The following CHCHD3 variants were observed in gnomAD, a reference collection of about 807,000 sequenced individuals.
CHCHD3 encodes MICOS complex subunit MIC19.
CHCHD3 carries 20 observed loss-of-function variants against 38.2 expected under a neutral mutation model. The observed-to-expected ratio is 0.52, with a 90% CI of 0.37 to 0.76. The LOEUF is 0.76. Among genes scored for constraint, CHCHD3 ranks in the 30% least tolerant of loss-of-function variants. The pLI, the probability that CHCHD3 is intolerant of heterozygous loss-of-function variation, is 0.00. For synonymous variants in CHCHD3, 82 were observed against 100.0 expected (o/e 0.82, Z 1.07); for missense variants, 245 against 279.2 (o/e 0.88, Z 0.87).
chr7:132,810,668 A>T (rs1327399784), intron 6 of CHCHD3, among the ~76,000 whole-genome samples: 1 of 152,218 alleles, frequency 6.6e-6, no homozygotes, highest in Non-Finnish European at 1.5e-5. Flanking sequence ...AGGGATAATG[A>T]TATATTACTG....
intron 2 of CHCHD3, among the ~76,000 whole-genome samples, chr7:133,065,132 ATATAGTTGAGATAACGCAG>A (rs1390332265): frequency 4.6e-5 from 7 of 152,206 alleles, no homozygotes; most frequent in African/African-American, 4.8e-5. Context: ...AAGCAAACCA[ATATAGTTGAGATAACGCAG>A]CAAAAAAATT....
chr7:133,061,615 T>C (rs1814518330), intron 2 of CHCHD3, among the ~76,000 whole-genome samples: 1 of 152,192 alleles, frequency 6.6e-6, no homozygotes, highest in Non-Finnish European at 1.5e-5. Context: ...AGCCGTGTAC[T>C]TGCCCACCCT....
At chr7:132,804,417 G>T (rs1164796665) in intron 6 of CHCHD3, among the ~76,000 whole-genome samples, 1 of 152,154 alleles carries the variant, frequency 6.6e-6, no homozygotes. Context: ...CCTTTGGGAT[G>T]AATTTTATAT....
At chr7:132,828,523 A>C (rs539064997) in intron 6 of CHCHD3, among the ~76,000 whole-genome samples, 1 of 152,320 alleles carries the variant, frequency 6.6e-6, no homozygotes, top group Admixed American at 6.5e-5. Context: ...TCTCTTAAGA[A>C]AAATCAGAAG....
At chr7:132,938,737 A>C (rs112351327) in intron 4 of CHCHD3, among the ~76,000 whole-genome samples, 1 of 152,134 alleles carries the variant, frequency 6.6e-6, no homozygotes, top group Non-Finnish European at 1.5e-5. Flanking sequence ...TGTCCCCGAC[A>C]CCGGCAACAA....
intron 5 of CHCHD3, among the ~76,000 whole-genome samples, chr7:132,875,104 C>G (rs1808862508): frequency 6.6e-6 from 1 of 152,116 alleles, no homozygotes; most frequent in South Asian, 2.1e-4. Flanking sequence ...ACAGAAATCT[C>G]AGGTGATATA....
intron 6 of CHCHD3, among the ~76,000 whole-genome samples, chr7:132,835,643 C>G (rs1807762535): frequency 6.6e-6 from 1 of 152,120 alleles, no homozygotes; most frequent in Non-Finnish European, 1.5e-5. Flanking sequence ...CTATCTTTCT[C>G]TATGAAATCC....
At chr7:132,805,944 C>A (rs920851559) in intron 6 of CHCHD3, among the ~76,000 whole-genome samples, 1 of 152,200 alleles carries the variant, frequency 6.6e-6, no homozygotes, top group South Asian at 2.1e-4. Context: ...CTCCTCACCA[C>A]GATCTAAAGC....
At chr7:132,821,643 C>T (rs1325707317) in intron 6 of CHCHD3, among the ~76,000 whole-genome samples, 1 of 150,890 alleles carries the variant, frequency 6.6e-6, no homozygotes, top group African/African-American at 2.4e-5. Flanking sequence ...GATACTGTAG[C>T]ATATAAAGGT....
chr7:133,017,420 G>A (rs779749530), intron 3 of CHCHD3, among the ~76,000 whole-genome samples: 22 of 152,158 alleles, frequency 1.4e-4, no homozygotes, highest in Non-Finnish European at 3.1e-4. Context: ...AAATGACTGA[G>A]TACATTAAAA....
At chr7:132,806,593 A>T (rs1806926642) in intron 6 of CHCHD3, among the ~76,000 whole-genome samples, 1 of 152,166 alleles carries the variant, frequency 6.6e-6, no homozygotes, top group African/African-American at 2.4e-5. Context: ...TAGACATGGG[A>T]TACAAAGGCA....
intron 4 of CHCHD3, among the ~76,000 whole-genome samples, chr7:132,891,842 T>A (rs1218495051): frequency 1.3e-5 from 2 of 152,204 alleles, no homozygotes; most frequent in Admixed American, 6.5e-5. Context: ...GATGGTTTTA[T>A]AAGCATTTGA....
intron 4 of CHCHD3, among the ~76,000 whole-genome samples, chr7:132,905,607 A>C (rs1258654918): frequency 2.0e-5 from 3 of 152,300 alleles, no homozygotes; most frequent in East Asian, 3.9e-4. Context: ...AGGGGAAAAA[A>C]ATGCCTAATT....
At chr7:132,829,940 G>T (rs1426434528) in intron 6 of CHCHD3, among the ~76,000 whole-genome samples, 1 of 152,154 alleles carries the variant, frequency 6.6e-6, no homozygotes, top group Non-Finnish European at 1.5e-5. Flanking sequence ...GGATACCACT[G>T]AGTTGAGTGG....
intron 5 of CHCHD3, among the ~76,000 whole-genome samples, chr7:132,840,469 C>T (rs1276270912): frequency 6.6e-6 from 1 of 152,208 alleles, no homozygotes; most frequent in Non-Finnish European, 1.5e-5. Flanking sequence ...TGGAGAGAGA[C>T]AGGACTAAGC....
At chr7:132,832,317 C>T (rs565432304) in intron 6 of CHCHD3, among the ~76,000 whole-genome samples, 35 of 152,112 alleles carry the variant, frequency 2.3e-4, no homozygotes, top group Non-Finnish European at 4.7e-4. Context: ...GGGATAAAAG[C>T]GAAAACCCCT....
At chr7:132,983,659 C>T (rs1016212070) in intron 3 of CHCHD3, among the ~76,000 whole-genome samples, 38 of 152,082 alleles carry the variant, frequency 2.5e-4, no homozygotes, top group African/African-American at 8.7e-4. Context: ...CATAACTTTG[C>T]ATCACATCAT....
At chr7:133,058,518 C>T (rs1266233245) in intron 2 of CHCHD3, among the ~76,000 whole-genome samples, 2 of 152,170 alleles carry the variant, frequency 1.3e-5, no homozygotes, top group Non-Finnish European at 2.9e-5. Flanking sequence ...TAGCTGGTTG[C>T]ATAACAAAAC....
intron 4 of CHCHD3, among the ~76,000 whole-genome samples, chr7:132,953,445 T>G (rs925506414): frequency 3.3e-5 from 5 of 152,144 alleles, no homozygotes; most frequent in African/African-American, 4.8e-5. Flanking sequence ...TGACCTTAGG[T>G]TGACCAAATG....
Sources: gnomAD v4.1 joint callset for allele counts (sites outside exome capture counted in the v4.1 genomes callset) on GRCh38, gnomAD v4.1.1 for gene constraint, MANE v1.5 for transcripts, NCBI Gene and HGNC (gene_info 2026-07-23, HGNC 2026-07-21) for gene names.